FAM83F: variants seen among roughly 807,000 people sequenced by gnomAD.
The protein encoded by FAM83F is scaffolding CK1 anchoring protein F.
In FAM83F, 45 loss-of-function variants were observed where a neutral mutation model predicts 42.9. The ratio of observed to expected loss-of-function variants is 1.05; its 90% confidence interval spans 0.83 to 1.35. The LOEUF is 1.35. Ranked by LOEUF, FAM83F falls within the 40% of genes most tolerant of loss-of-function variation. The pLI is 0.00. For missense variants in FAM83F, 617 were observed against 695.9 expected (o/e 0.89, Z 1.28); for synonymous variants, 306 against 298.3 (o/e 1.03, Z -0.27).
At chr22:40,007,483 C>G (rs1472520756) in intron 1 of FAM83F, among the ~76,000 whole-genome samples, 2 of 14,248 alleles carry the variant, frequency 1.4e-4, no homozygotes, top group East Asian at 2.5e-3. Context: ...TCTCCTCCTC[C>G]TCTCCTCTCC....
intron 1 of FAM83F, among the ~76,000 whole-genome samples, chr22:40,014,627 T>G (rs1056093464): frequency 6.6e-6 from 1 of 152,244 alleles, no homozygotes. Context: ...AAATTTCTAT[T>G]ATGTCTGTAG....
At chr22:40,027,906 T>C (rs2067563962) in intron 4 of FAM83F, among the ~76,000 whole-genome samples, 1 of 132,778 alleles carries the variant, frequency 7.5e-6, no homozygotes, top group Admixed American at 9.1e-5. Context: ...TGTTTAACGA[T>C]CTGGAGGTTG....
At position 40,021,783 on chromosome 22, in the gene FAM83F, G is replaced by A. The variant is rs1182739494; in HGVS notation, c.1273G>A (p.Gly425Arg). ...SREAPSRNGM[G>R]EAARGEAAPA... ...AGAGGCACCCAGCCGAAACGGCATGGGAGAAGCGGCCCGGGGGGAGGCCGC... is the reference window on the plus strand; with the variant it reads ...AGAGGCACCCAGCCGAAACGGCATGAGAGAAGCGGCCCGGGGGGAGGCCGC... Residue 425 changes from glycine (G) to arginine (R), a missense_variant, in exon 4 of 5, where the codon GGA (glycine) becomes AGA (arginine). Gly to Arg is a moderately radical substitution (Grantham distance 125). Coordinates refer to ENST00000333407, the MANE Select transcript of FAM83F (RefSeq NM_138435.4). The surrounding 1 kb of genome is among the most constrained non-coding windows in gnomAD (Gnocchi z 8.7). 1 of 1,612,726 alleles carries A rather than the reference G, an allele frequency of 6.2e-7. No individual in the cohort carries two copies.
At chr22:40,000,112 G>A (rs1427253337) in intron 1 of FAM83F, among the ~76,000 whole-genome samples, 3 of 152,130 alleles carry the variant, frequency 2.0e-5, no homozygotes, top group African/African-American at 7.2e-5. Context: ...GTCTTCTATT[G>A]GCCGCCTGTC....
At chr22:40,020,458 A>C (rs758825896) in intron 3 of FAM83F, among the ~76,000 whole-genome samples, 13 of 145,208 alleles carry the variant, frequency 9.0e-5, no homozygotes, top group Admixed American at 8.7e-4. Context: ...TGCCTCCCGG[A>C]TTCAAGCGAT....
chr22:40,000,620 A>G (rs964451084), intron 1 of FAM83F, among the ~76,000 whole-genome samples: 4 of 151,888 alleles, frequency 2.6e-5, no homozygotes, highest in African/African-American at 9.7e-5. Context: ...AAAAAACCCT[A>G]GTTTAAAAAG....
intron 1 of FAM83F, among the ~76,000 whole-genome samples, chr22:40,006,697 G>C (rs1241405279): frequency 6.6e-6 from 1 of 152,206 alleles, no homozygotes; most frequent in African/African-American, 2.4e-5. Flanking sequence ...GCCTCTTTGG[G>C]TTGGACGCAC....
rs1254993073 is a variant in FAM83F, at chr22:40,019,291, C to T, written c.613C>T (p.Leu205=). 1 of 1,614,164 alleles carries T rather than the reference C, an allele frequency of 6.2e-7. No homozygotes were observed. Among genetic ancestry groups the T allele is most frequent in the Non-Finnish European group, 8.5e-7 (1 of 1,180,026 alleles). ...ILDEAGVKYF[L]EMCQDLQLTD... ...GGACGAGGCAGGAGTGAAGTATTTC[C>T]TGGAGATGTGTCAGGACCTGCAGCT... The change falls in exon 2 of 5, where the codon CTG becomes TTG. Residue 205 remains leucine, a synonymous_variant. Coordinates refer to ENST00000333407, the MANE Select transcript of FAM83F (RefSeq NM_138435.4).
chr22:40,007,402 CTCCTCT>C (rs2067437166), intron 1 of FAM83F, among the ~76,000 whole-genome samples: 1 of 15,932 alleles, frequency 6.3e-5, no homozygotes, highest in Non-Finnish European at 1.3e-4. Context: ...TCCTCTCCTC[CTCCTCT>C]TCCTCCTGTC....
intron 1 of FAM83F, chr22:39,997,766 G>A (rs1424658255): frequency 6.6e-6 from 1 of 152,212 alleles, no homozygotes; most frequent in Non-Finnish European, 1.5e-5. Flanking sequence ...GCCTGGTTTG[G>A]GGACCCTAAA....
rs1444920679 is a variant in FAM83F, at chr22:40,038,620, GGAAGGGAGATGTGGGCCT to G, written c.*9057_*9074del. 1 of 152,380 alleles carries G rather than the reference GGAAGGGAGATGTGGGCCT, an allele frequency of 6.6e-6. No individual in the cohort carries two copies. The highest frequency in any genetic ancestry group is 2.4e-5 in the African/African-American group (1 of 41,448). 9.4% of individuals were successfully genotyped at this position (152,380 alleles called of 1,614,324 possible). On this transcript the variant is annotated 3_prime_UTR_variant, in exon 5 of 5. Transcript: ENST00000333407. ...ATGGGTGCTCAGGAAATCTGCCAGG[GGAAGGGAGATGTGGGCCT>G]GCCTCGGCTGCAGAAACCCCTCAGA...
chr22:40,029,303 GCT>G (rs1320688155), intron 4 of FAM83F, among the ~76,000 whole-genome samples: 7 of 152,114 alleles, frequency 4.6e-5, no homozygotes, highest in Non-Finnish European at 7.4e-5. Flanking sequence ...ACCCAGTGGG[GCT>G]CCTGCCGAGG....
chr22:40,005,038 A>G (rs1399534231), intron 1 of FAM83F, among the ~76,000 whole-genome samples: 1 of 152,168 alleles, frequency 6.6e-6, no homozygotes, highest in Non-Finnish European at 1.5e-5. Context: ...GATCACTTTC[A>G]ATCATATCCC....
At chr22:40,006,987 C>T (rs2067432926) in intron 1 of FAM83F, among the ~76,000 whole-genome samples, 1 of 152,140 alleles carries the variant, frequency 6.6e-6, no homozygotes, top group Non-Finnish European at 1.5e-5. Flanking sequence ...CATTTCTTTT[C>T]ATCTTCATAG....
At chr22:40,000,140 G>T (rs911448800) in intron 1 of FAM83F, among the ~76,000 whole-genome samples, 5 of 152,182 alleles carry the variant, frequency 3.3e-5, no homozygotes, top group African/African-American at 1.2e-4. Context: ...GGAAGCAAGT[G>T]TCTGGAGATG....
Position 40,018,654 on chromosome 22 carries a change from G to C in FAM83F, c.490-514G>C, listed in dbSNP as rs188066412. 2.0e-3 allele frequency among the ~76,000 whole-genome samples: 305 copies of C among 149,004 alleles called. 1 individual carries two copies. The highest frequency in any genetic ancestry group is 7.4e-3 in the African/African-American group (298 of 40,170). ...GTTGCCCTGGCTGGAGTGCAACGGC[G>C]CAATCTTGGCTCACTGCAAACTCTG... On this transcript the variant is annotated intron_variant, in intron 1 of 4. Transcript: ENST00000333407.
At chr22:40,014,898 T>G (rs1044948509) in intron 1 of FAM83F, among the ~76,000 whole-genome samples, 2 of 152,230 alleles carry the variant, frequency 1.3e-5, no homozygotes, top group African/African-American at 4.8e-5. Flanking sequence ...GTTTACTTCC[T>G]CAATTGTAAA....
chr22:40,028,059 G>A (rs1601773775), intron 4 of FAM83F, among the ~76,000 whole-genome samples: 5 of 152,240 alleles, frequency 3.3e-5, no homozygotes, highest in African/African-American at 4.8e-5. Context: ...TAAGATGGCC[G>A]CATTTCATCC....
At position 40,021,798 on chromosome 22, in the gene FAM83F, G is replaced by C. The variant is rs762073447; in HGVS notation, c.1288G>C (p.Gly430Arg). ...AAACGGCATGGGAGAAGCGGCCCGG[G>C]GGGAGGCCGCCCCCGCCAGGCGCTT... ...SRNGMGEAAR[G>R]EAAPARRFSS... is the part of the protein sequence containing the mutation. The change falls in exon 4 of 5, where the codon GGG (glycine) becomes CGG (arginine). Residue 430 changes from glycine (G) to arginine (R), a missense_variant. Transcript: ENST00000333407. The surrounding 1 kb of genome is among the most constrained non-coding windows in gnomAD (Gnocchi z 8.7). The C allele has an allele frequency of 2.5e-6, 4 of 1,612,612 alleles. No individual in the cohort carries two copies. Among genetic ancestry groups the C allele is most frequent in the Non-Finnish European group, 3.4e-6 (4 of 1,179,668 alleles).
Sources: gnomAD v4.1 joint callset for allele counts (sites outside exome capture counted in the v4.1 genomes callset) on GRCh38, gnomAD v4.1.1 for gene constraint, Gnocchi (gnomAD v3.1) non-coding constraint, MANE v1.5 for transcripts, NCBI Gene and HGNC (gene_info 2026-07-23, HGNC 2026-07-21) for gene names.